Variants in KPNA7 observed in about 807,000 individuals in gnomAD.
The protein encoded by KPNA7 is importin subunit alpha-8.
In KPNA7, 54 loss-of-function variants were observed where a neutral mutation model predicts 53.7. That is an observed-to-expected ratio of 1.01 (90% CI 0.81 to 1.26). KPNA7 has a LOEUF of 1.26. KPNA7 is among the 50% of genes most tolerant of loss of function. The pLI is 0.00. For missense variants in KPNA7, 640 were observed against 644.5 expected (o/e 0.99, Z 0.07); for synonymous variants, 276 against 259.3 (o/e 1.06, Z -0.62).
intron 10 of KPNA7, among the ~76,000 whole-genome samples, chr7:99,175,205 G>A (rs989791224): frequency 6.6e-6 from 1 of 152,058 alleles, no homozygotes; most frequent in Admixed American, 6.6e-5. Context: ...TCCTTTGAGA[G>A]CATTTTTTTT....
chr7:99,149,572 C>G, the KPNA7 span, among the ~76,000 whole-genome samples: 7 of 152,144 alleles, frequency 4.6e-5, no homozygotes, highest in African/African-American at 1.7e-4. Context: ...TCCAAAAGCT[C>G]CTAGTGAAGC....
intron 5 of KPNA7, among the ~76,000 whole-genome samples, chr7:99,193,686 G>C (rs555798012): frequency 6.7e-6 from 1 of 149,708 alleles, no homozygotes; most frequent in South Asian, 2.1e-4. Flanking sequence ...TTTTTTTGGC[G>C]GGGGAGGGGG....
At chr7:99,182,217 CT>C (rs1172231852) in intron 8 of KPNA7, among the ~76,000 whole-genome samples, 152 bp from the exon 9 acceptor site, 1 of 151,908 alleles carries the variant, frequency 6.6e-6, no homozygotes, top group Non-Finnish European at 1.5e-5. Flanking sequence ...CTAGCTCTTT[CT>C]TTCCCCCCTC....
At chr7:99,190,660 T>A (rs1789899667) in intron 6 of KPNA7, among the ~76,000 whole-genome samples, 1 of 151,698 alleles carries the variant, frequency 6.6e-6, no homozygotes, top group Non-Finnish European at 1.5e-5. Flanking sequence ...AAACTTTTTT[T>A]TTTTTTTTGG....
At chr7:99,163,359 G>GTGTGTATATATATA in the KPNA7 span, among the ~76,000 whole-genome samples, 6 of 66,418 alleles carry the variant, frequency 9.0e-5, no homozygotes, top group African/African-American at 1.8e-4. Flanking sequence ...ATGAGTGTGT[G>GTGTGTATATATATA]TATATATATA....
chr7:99,167,512 G>T, the KPNA7 span, among the ~76,000 whole-genome samples: 1 of 151,660 alleles, frequency 6.6e-6, no homozygotes, highest in East Asian at 1.9e-4. Context: ...GAGTATACTG[G>T]CGCAACCTTG....
chr7:99,160,754 A>T, the KPNA7 span, among the ~76,000 whole-genome samples: 1 of 152,188 alleles, frequency 6.6e-6, no homozygotes, highest in Non-Finnish European at 1.5e-5. Flanking sequence ...GGAGTGGATG[A>T]GTAGGGAAGC....
the KPNA7 span, among the ~76,000 whole-genome samples, chr7:99,167,724 G>A: frequency 8.9e-3 from 1,221 of 136,462 alleles, 17 homozygotes; most frequent in African/African-American, 0.032. Flanking sequence ...CAGGTGATCC[G>A]CCCACCTTGG....
intron 7 of KPNA7, among the ~76,000 whole-genome samples, chr7:99,187,796 TTTTAA>T (rs1474240388): frequency 2.9e-4 from 9 of 30,740 alleles, no homozygotes; most frequent in Admixed American, 1.8e-3. Context: ...CGGCCTTTTT[TTTTAA>T]AAAAAAAAAA....
chr7:99,180,353 T>C (rs1799113599), intron 9 of KPNA7, among the ~76,000 whole-genome samples: 1 of 152,146 alleles, frequency 6.6e-6, no homozygotes, highest in African/African-American at 2.4e-5. Flanking sequence ...AATACAAACA[T>C]TGGCCAGGTG....
chr7:99,163,359 G>GTATATATATATATA, the KPNA7 span, among the ~76,000 whole-genome samples: 4 of 66,448 alleles, frequency 6.0e-5, no homozygotes, highest in African/African-American at 1.2e-4. Flanking sequence ...ATGAGTGTGT[G>GTATATATATATATA]TATATATATA....
chr7:99,184,998 C>T lies in KPNA7; in HGVS notation c.1065G>A (p.Gly355=), dbSNP rs1235663452. 5 of 1,551,792 alleles carry T rather than the reference C, an allele frequency of 3.2e-6. No homozygotes were observed. Among genetic ancestry groups the T allele is most frequent in the Non-Finnish European group, 4.4e-6 (5 of 1,147,050 alleles). Reference sequence around the variant, plus strand: ...GCAGCTGCTGGATGTGGTGACAAGGCCCCGCTGCTACGTTGCTCAGGGCCC... The same window carrying T: ...GCAGCTGCTGGATGTGGTGACAAGGTCCCGCTGCTACGTTGCTCAGGGCCC... ...AAWALSNVAA[G]PCHHIQQLLA... The change falls in exon 8 of 11, where the codon GGG becomes GGA. Residue 355 remains glycine (G), a synonymous_variant. Transcript: ENST00000327442.
chr7:99,167,513 C>T, the KPNA7 span, among the ~76,000 whole-genome samples: 70,295 of 151,292 alleles, frequency 0.46, 19,925 homozygotes, highest in East Asian at 0.65. Context: ...AGTATACTGG[C>T]GCAACCTTGG....
chr7:99,208,258 T>A (rs547997311), upstream of KPNA7, among the ~76,000 whole-genome samples: 2 of 151,650 alleles, frequency 1.3e-5, no homozygotes, highest in East Asian at 3.9e-4. Context: ...TTATTTATTT[T>A]ATTTATTTAT....
At chr7:99,147,340 C>T in the KPNA7 span, among the ~76,000 whole-genome samples, 1 of 152,162 alleles carries the variant, frequency 6.6e-6, no homozygotes, top group Non-Finnish European at 1.5e-5. Context: ...AGCCAACGTT[C>T]AAGTTTGCTG....
the KPNA7 span, among the ~76,000 whole-genome samples, chr7:99,150,421 C>CTCTTTTTTTT: frequency 8.1e-4 from 12 of 14,898 alleles, no homozygotes; most frequent in African/African-American, 1.8e-3. Flanking sequence ...AATCATTCTT[C>CTCTTTTTTTT]TCTTTTTTTT....
chr7:99,196,943 T>C (rs536280903), intron 3 of KPNA7, among the ~76,000 whole-genome samples: 2 of 152,210 alleles, frequency 1.3e-5, no homozygotes, highest in African/African-American at 2.4e-5. Flanking sequence ...AGAGGTTGAA[T>C]AAGAGTTGGG....
the KPNA7 span, among the ~76,000 whole-genome samples, chr7:99,150,102 G>A: frequency 1.7e-4 from 26 of 151,706 alleles, no homozygotes; most frequent in East Asian, 5.1e-3. Flanking sequence ...CCAGGCCTTT[G>A]TTTCTGTTTT....
At chr7:99,214,879 C>T (rs1389274461) in intron 1 of KPNA7, among the ~76,000 whole-genome samples, 1 of 152,174 alleles carries the variant, frequency 6.6e-6, no homozygotes, top group East Asian at 1.9e-4. Flanking sequence ...GAAATACCTG[C>T]TCTAGCTGCC....
Sources: gnomAD v4.1 joint callset for allele counts (sites outside exome capture counted in the v4.1 genomes callset) on GRCh38, gnomAD v4.1.1 for gene constraint, MANE v1.5 for transcripts, NCBI Gene and HGNC (gene_info 2026-07-23, HGNC 2026-07-21) for gene names.